KCNIP4: variants seen among roughly 807,000 people sequenced by gnomAD.
KCNIP4 encodes the protein potassium voltage-gated channel interacting protein 4.
A neutral mutation model predicts 34.0 loss-of-function variants in KCNIP4; 12 were observed. The observed-to-expected ratio is 0.35, with a 90% CI of 0.23 to 0.57. The LOEUF is 0.57. Among genes scored for constraint, KCNIP4 ranks in the 20% least tolerant of loss-of-function variants. KCNIP4 has a pLI of 0.83. For synonymous variants in KCNIP4, 124 were observed against 102.2 expected, an observed-to-expected ratio of 1.21 and a Z score of -1.29; for missense variants, 238 against 311.7, an observed-to-expected ratio of 0.76 and a Z score of 1.78.
intron 1 of KCNIP4, among the ~76,000 whole-genome samples, chr4:21,425,412 A>G (rs770666324): frequency 1.4e-4 from 22 of 152,120 alleles, no homozygotes; most frequent in Non-Finnish European, 3.1e-4. Flanking sequence ...AGGACATTAA[A>G]ACCTAACTTT....
At chr4:21,137,330 A>T (rs1261114132) in intron 1 of KCNIP4, among the ~76,000 whole-genome samples, 1 of 152,214 alleles carries the variant, frequency 6.6e-6, no homozygotes, top group Non-Finnish European at 1.5e-5. Flanking sequence ...AAGATGTGGA[A>T]CAGAACTTAA....
intron 1 of KCNIP4, among the ~76,000 whole-genome samples, chr4:21,342,469 G>T (rs531308261): frequency 6.6e-6 from 1 of 152,084 alleles, no homozygotes; most frequent in Non-Finnish European, 1.5e-5. Context: ...AGAGGAAATT[G>T]AAAGCTTAAA....
At chr4:21,346,222 TA>T (rs1717379231) in intron 1 of KCNIP4, among the ~76,000 whole-genome samples, 2 of 98,728 alleles carry the variant, frequency 2.0e-5, no homozygotes, top group Non-Finnish European at 4.0e-5. Flanking sequence ...ATATTATATA[TA>T]ATTCTATATA....
In KCNIP4 at chr4:21,025,562, T is replaced by G. The variant is rs200459570; in HGVS notation, c.62-142853A>C. Among the ~76,000 whole-genome samples the G allele has an allele frequency of 3.4e-3, 417 of 123,380 alleles. 28 individuals carry two copies. The East Asian group carries it at 0.051, about 15-fold the overall frequency. The allele number at this position is 123,380 out of a possible 152,430, so 80.9% of individuals were successfully genotyped here. On this transcript the variant is annotated intron_variant, in intron 1 of 8. Transcript: ENST00000382152. ...GATACTGTTTTTTTTTTTTTTTTTT[T>G]TTTTTTTTTGAGACGGAGTCTCACT...
chr4:21,491,705 A>G (rs573203674), intron 1 of KCNIP4, among the ~76,000 whole-genome samples: 42 of 152,276 alleles, frequency 2.8e-4, no homozygotes, highest in African/African-American at 8.9e-4. Context: ...CTGTATGCTT[A>G]CCAGAAACAC....
At chr4:20,914,069 A>G (rs1728581487) in intron 1 of KCNIP4, among the ~76,000 whole-genome samples, 1 of 152,076 alleles carries the variant, frequency 6.6e-6, no homozygotes, top group Admixed American at 6.5e-5. Flanking sequence ...AGGCAGGAGA[A>G]TCGCTTGAAC....
At chr4:21,408,404 C>T (rs567961444) in intron 1 of KCNIP4, among the ~76,000 whole-genome samples, 1 of 151,964 alleles carries the variant, frequency 6.6e-6, no homozygotes, top group Non-Finnish European at 1.5e-5. Context: ...AAAGATTCTG[C>T]AAGGAGGCAC....
chr4:21,779,347 ACTGTAGC>A (rs113984938), intron 1 of KCNIP4, among the ~76,000 whole-genome samples: 4,921 of 152,204 alleles, frequency 0.032, 269 homozygotes, highest in African/African-American at 0.11. Flanking sequence ...TACTATAGTA[ACTGTAGC>A]CTGAAGTTAA....
intron 1 of KCNIP4, among the ~76,000 whole-genome samples, chr4:21,577,748 G>GACCA (rs1740855647): frequency 6.6e-6 from 1 of 152,092 alleles, no homozygotes; most frequent in African/African-American, 2.4e-5. Context: ...GGCATTCTTT[G>GACCA]CCTTGACCAC....
chr4:21,014,048 C>T (rs961371108), intron 1 of KCNIP4, among the ~76,000 whole-genome samples: 2 of 152,180 alleles, frequency 1.3e-5, no homozygotes, highest in Non-Finnish European at 2.9e-5. Flanking sequence ...TCTATATGAG[C>T]TCATCCATGC....
intron 1 of KCNIP4, among the ~76,000 whole-genome samples, chr4:21,124,438 A>G (rs1750438054): frequency 6.6e-6 from 1 of 152,054 alleles, no homozygotes; most frequent in Non-Finnish European, 1.5e-5. Context: ...ATCTCTCTCA[A>G]CCTCTGCTTC....
chr4:21,690,083 AATATACATATATATGTATAT>A (rs1349723641), intron 1 of KCNIP4, among the ~76,000 whole-genome samples: 1 of 148,306 alleles, frequency 6.7e-6, no homozygotes, highest in Non-Finnish European at 1.5e-5. Flanking sequence ...TTATATTGCA[AATATACATATATATGTATAT>A]ATATACATAT....
chr4:20,909,377 T>C lies in KCNIP4; in HGVS notation c.62-26668A>G, dbSNP rs529518439. Among the ~76,000 whole-genome samples, 7 of 152,278 alleles carry C rather than the reference T, an allele frequency of 4.6e-5. No homozygotes were observed. The East Asian group carries it at 1.4e-3, about 29-fold the overall frequency. ...GCACCACGCTTCCCATCATTAGATA[T>C]CCAGTTAATGATGAAAATGGCTATG... On this transcript the variant is annotated intron_variant, in intron 1 of 8. Transcript: ENST00000382152.
chr4:20,747,400 G>T (rs1396354352), intron 5 of KCNIP4, among the ~76,000 whole-genome samples: 1 of 152,124 alleles, frequency 6.6e-6, no homozygotes, highest in Non-Finnish European at 1.5e-5. Flanking sequence ...AATTAAGACT[G>T]TGCTGGAATT....
intron 1 of KCNIP4, among the ~76,000 whole-genome samples, chr4:21,914,269 T>C (rs971596637): frequency 5.9e-5 from 9 of 151,708 alleles, no homozygotes; most frequent in Non-Finnish European, 1.3e-4. Flanking sequence ...AAGAGGGAGA[T>C]CTGAGAGATA....
chr4:21,137,691 T>C (rs1307174535), intron 1 of KCNIP4, among the ~76,000 whole-genome samples: 2 of 152,080 alleles, frequency 1.3e-5, no homozygotes, highest in Admixed American at 1.3e-4. Context: ...AATAAAAACA[T>C]GGTAAAATAC....
At chr4:21,332,580 C>A (rs1442886816) in intron 1 of KCNIP4, among the ~76,000 whole-genome samples, 1 of 152,006 alleles carries the variant, frequency 6.6e-6, no homozygotes, top group Non-Finnish European at 1.5e-5. Flanking sequence ...ACAGGCACAG[C>A]AACCCTGACT....
chr4:20,866,911 T>G, intron 2 of KCNIP4, among the ~76,000 whole-genome samples: 1 of 151,910 alleles, frequency 6.6e-6, no homozygotes, highest in East Asian at 1.9e-4. Context: ...AATTACAATA[T>G]TCACAAAGAA....
chr4:21,067,986 A>C (rs1577631551), intron 1 of KCNIP4, among the ~76,000 whole-genome samples: 2 of 152,274 alleles, frequency 1.3e-5, no homozygotes, highest in African/African-American at 2.4e-5. Flanking sequence ...TTAAAGTATA[A>C]ATTATTTGTT....
Sources: gnomAD v4.1 joint callset for allele counts (sites outside exome capture counted in the v4.1 genomes callset) on GRCh38, gnomAD v4.1.1 for gene constraint, MANE v1.5 for transcripts, NCBI Gene and HGNC (gene_info 2026-07-23, HGNC 2026-07-21) for gene names.